PRKAR2B: variants seen among roughly 807,000 people sequenced by gnomAD.
PRKAR2B encodes cAMP-dependent protein kinase type II-beta regulatory subunit.
In PRKAR2B, 14 loss-of-function variants were observed where a neutral mutation model predicts 49.9. The observed-to-expected ratio is 0.28, with a 90% CI of 0.19 to 0.44. The LOEUF (loss-of-function observed/expected upper bound fraction) is 0.44, where lower values mean the gene tolerates loss of function less well. Ranked by LOEUF, PRKAR2B falls within the 20% of genes least tolerant of loss-of-function variation. PRKAR2B has a pLI of 1.00. For missense variants in PRKAR2B, 393 were observed against 537.9 expected, an observed-to-expected ratio of 0.73 and a Z score of 2.67; for synonymous variants, 196 against 197.7, an observed-to-expected ratio of 0.99 and a Z score of 0.07.
chr7:107,142,799 G>C (rs1432297527), intron 5 of PRKAR2B, among the ~76,000 whole-genome samples: 2 of 151,314 alleles, frequency 1.3e-5, no homozygotes, highest in South Asian at 2.1e-4. Context: ...GTCTTGCTCT[G>C]TTGCCCAGGC....
At chr7:107,143,424 G>C (rs1287388769) in intron 5 of PRKAR2B, among the ~76,000 whole-genome samples, 1 of 152,206 alleles carries the variant, frequency 6.6e-6, no homozygotes, top group African/African-American at 2.4e-5. Flanking sequence ...ACTTTAATCA[G>C]AATATAGCAT....
At chr7:107,095,552 G>A (rs1794821867) in intron 2 of PRKAR2B, among the ~76,000 whole-genome samples, 1 of 152,186 alleles carries the variant, frequency 6.6e-6, no homozygotes. Flanking sequence ...GAATAGGAGT[G>A]GTGAGAGAGG....
chr7:107,066,054 A>G (rs187967834), intron 1 of PRKAR2B, among the ~76,000 whole-genome samples: 34 of 152,348 alleles, frequency 2.2e-4, no homozygotes, highest in Admixed American at 2.2e-3. Flanking sequence ...TGGTTATACA[A>G]GCACGAAGAT....
At chr7:107,088,717 A>G (rs186724453) in intron 2 of PRKAR2B, among the ~76,000 whole-genome samples, 80 of 152,154 alleles carry the variant, frequency 5.3e-4, no homozygotes, top group Non-Finnish European at 2.6e-4. Flanking sequence ...CTCCTGCCTC[A>G]GCCTCTTGAG....
At chr7:107,066,336 TCAC>T (rs1794144742) in intron 1 of PRKAR2B, among the ~76,000 whole-genome samples, 2 of 108,072 alleles carry the variant, frequency 1.9e-5, no homozygotes, top group Admixed American at 2.0e-4. Flanking sequence ...GTGTGTGTAT[TCAC>T]CAAATATCCA....
intron 3 of PRKAR2B, among the ~76,000 whole-genome samples, chr7:107,126,303 C>T (rs1043728593): frequency 6.8e-6 from 1 of 147,624 alleles, no homozygotes; most frequent in African/African-American, 2.5e-5. Context: ...CACCTGTAGT[C>T]CCAGCTACTC....
intron 2 of PRKAR2B, among the ~76,000 whole-genome samples, chr7:107,112,326 T>G (rs1795192380): frequency 6.6e-6 from 1 of 152,086 alleles, no homozygotes; most frequent in South Asian, 2.1e-4. Context: ...TCTGTTATTG[T>G]CTTTATATCA....
intron 3 of PRKAR2B, among the ~76,000 whole-genome samples, chr7:107,124,884 G>A (rs1795457490): frequency 1.3e-5 from 2 of 151,866 alleles, no homozygotes; most frequent in African/African-American, 2.4e-5. Context: ...TATTTTCAGA[G>A]AGTAAATATT....
intron 10 of PRKAR2B, 97 bp from the exon 11 acceptor site, chr7:107,159,352 C>T (rs1796154435): frequency 3.6e-6 from 4 of 1,121,062 alleles, no homozygotes; most frequent in East Asian, 4.9e-5. Flanking sequence ...AATATCATTG[C>T]ACTATTGATA....
intron 1 of PRKAR2B, among the ~76,000 whole-genome samples, chr7:107,069,206 G>C (rs1432230029): frequency 6.6e-6 from 1 of 152,200 alleles, no homozygotes; most frequent in Non-Finnish European, 1.5e-5. Flanking sequence ...AAAGTGTTGG[G>C]ATTACAGGCG....
intron 2 of PRKAR2B, among the ~76,000 whole-genome samples, chr7:107,114,509 G>T (rs1452972442): frequency 6.7e-6 from 1 of 149,158 alleles, no homozygotes; most frequent in South Asian, 2.1e-4. Context: ...TTACAGGCAC[G>T]CACCACCATG....
chr7:107,092,446 A>G (rs1184286301), intron 2 of PRKAR2B, among the ~76,000 whole-genome samples: 1 of 152,086 alleles, frequency 6.6e-6, no homozygotes, highest in East Asian at 1.9e-4. Flanking sequence ...TTCAGGGGAT[A>G]GCGGTGTTTA....
At chr7:107,070,387 A>G in intron 2 of PRKAR2B, 71 bp downstream of exon 2, 1 of 1,342,522 alleles carries the variant, frequency 7.4e-7, no homozygotes, top group East Asian at 2.3e-5. Flanking sequence ...TTGGACAAGA[A>G]GGTACAAAGA....
At chr7:107,119,576 G>A (rs1390014767) in intron 2 of PRKAR2B, among the ~76,000 whole-genome samples, 1 of 152,206 alleles carries the variant, frequency 6.6e-6, no homozygotes, top group Non-Finnish European at 1.5e-5. Flanking sequence ...GAGAGTCGCA[G>A]CCAACCCAGT....
At chr7:107,107,888 C>A (rs777384928) in intron 2 of PRKAR2B, among the ~76,000 whole-genome samples, 4 of 152,114 alleles carry the variant, frequency 2.6e-5, no homozygotes, top group South Asian at 4.1e-4. Flanking sequence ...CATCTCTTGA[C>A]CTCGGGATCT....
chr7:107,133,875 C>G (rs1795646976), intron 4 of PRKAR2B: 1 of 152,156 alleles, frequency 6.6e-6, no homozygotes, highest in African/African-American at 2.4e-5. Context: ...ATCTCCTTTT[C>G]ACCTTTGCCT....
chr7:107,054,996 T>C (rs908861632), intron 1 of PRKAR2B, among the ~76,000 whole-genome samples: 3 of 151,996 alleles, frequency 2.0e-5, no homozygotes, highest in African/African-American at 7.3e-5. Flanking sequence ...CAGTGTGTGA[T>C]GTTCCCCTTC....
At chr7:107,056,465 A>G (rs1389267192) in intron 1 of PRKAR2B, among the ~76,000 whole-genome samples, 1 of 152,184 alleles carries the variant, frequency 6.6e-6, no homozygotes, top group Non-Finnish European at 1.5e-5. Context: ...ATGTTCTTCC[A>G]TTTGTTTGTA....
At chr7:107,126,497 A>T (rs1795497697) in intron 3 of PRKAR2B, among the ~76,000 whole-genome samples, 1 of 151,250 alleles carries the variant, frequency 6.6e-6, no homozygotes, top group Non-Finnish European at 1.5e-5. Context: ...AAAAAGCTGG[A>T]TTTCTGTGTG....
Sources: allele counts gnomAD v4.1 joint callset (sites outside exome capture counted in the v4.1 genomes callset), GRCh38; gene constraint gnomAD v4.1.1; transcripts MANE v1.5; gene names NCBI Gene and HGNC (gene_info 2026-07-23, HGNC 2026-07-21).